TMA16: variants seen among roughly 807,000 people sequenced by gnomAD.
TMA16 encodes the protein translation machinery-associated protein 16.
A neutral mutation model predicts 27.1 loss-of-function variants in TMA16; 26 were observed. The ratio of observed to expected loss-of-function variants is 0.96; its 90% CI spans 0.70 to 1.33. TMA16 has a LOEUF of 1.33. Ranked by LOEUF, TMA16 falls within the 40% of genes most tolerant of loss-of-function variation. The pLI, the probability that TMA16 is intolerant of heterozygous loss-of-function variation, is 0.00. For synonymous variants in TMA16, 71 were observed against 81.9 expected, an observed-to-expected ratio of 0.87 and a Z score of 0.72; for missense variants, 233 against 241.4, an observed-to-expected ratio of 0.97 and a Z score of 0.23.
At chr4:163,512,013 C>CT (rs111789578) in intron 2 of TMA16, among the ~76,000 whole-genome samples, 2,527 of 144,136 alleles carry the variant, frequency 0.018, 61 homozygotes, top group African/African-American at 0.058. Flanking sequence ...TAGTCCCTAT[C>CT]TTTTTTTTTT....
intron 2 of TMA16, 56 bp downstream of exon 2, chr4:163,507,201 T>C (rs181611616): frequency 5.6e-6 from 8 of 1,419,734 alleles, no homozygotes; most frequent in Middle Eastern, 1.8e-4. Flanking sequence ...CTTTATACTT[T>C]TATCTTTCAA....
chr4:163,505,812 C>G (rs184421580), intron 1 of TMA16, among the ~76,000 whole-genome samples: 2 of 151,932 alleles, frequency 1.3e-5, no homozygotes, highest in African/African-American at 4.8e-5. Context: ...GTAGCTTTGC[C>G]GAAGAAAGGA....
In TMA16 at chr4:163,507,117, G is replaced by C. The variant is rs748136750; in HGVS notation, c.88G>C (p.Glu30Gln). ...TAGAAAAGCAGCTCAAATTACGAGA[G>C]AGGCCCACAAACAAGAAAAAAAGGA... ...YSRKAAQITR[E>Q]AHKQEKKEKL... Residue 30 changes from glutamate (E) to glutamine (Q), a missense_variant, in exon 2 of 7, where the codon GAG becomes CAG. Physicochemically the swap from Glu to Gln is conservative, Grantham distance 29. Coordinates refer to ENST00000358572, the MANE Select transcript of TMA16 (RefSeq NM_018352.3). The C allele has an allele frequency of 5.7e-6, 9 of 1,587,268 alleles. No homozygotes were observed. The East Asian group carries it at 1.8e-4, about 32-fold the overall frequency.
chr4:163,501,891 T>G (rs1455124237), intron 1 of TMA16, among the ~76,000 whole-genome samples: 1 of 152,144 alleles, frequency 6.6e-6, no homozygotes, highest in African/African-American at 2.4e-5. Context: ...CCAAAGTGAG[T>G]CAGGACCCTA....
intron 1 of TMA16, among the ~76,000 whole-genome samples, chr4:163,505,725 C>T (rs767552854): frequency 6.6e-6 from 1 of 152,226 alleles, no homozygotes; most frequent in African/African-American, 2.4e-5. Context: ...GACTTGGGAC[C>T]TAACTGTGAG....
At chr4:163,517,637 G>A (rs997296516) in intron 6 of TMA16, 161 bp downstream of exon 6, 3 of 574,340 alleles carry the variant, frequency 5.2e-6, no homozygotes, top group South Asian at 2.5e-5. Context: ...GAAGTTGGGC[G>A]TACAAACAGT....
chr4:163,515,121 T>G (rs1166884908), intron 4 of TMA16, among the ~76,000 whole-genome samples, 192 bp from the exon 5 acceptor site: 1 of 152,056 alleles, frequency 6.6e-6, no homozygotes, highest in Non-Finnish European at 1.5e-5. Flanking sequence ...AGGCTGCGAT[T>G]TGGTCACTGA....
intron 3 of TMA16, among the ~76,000 whole-genome samples, chr4:163,513,754 A>C (rs1737831384): frequency 6.6e-6 from 1 of 152,174 alleles, no homozygotes. Context: ...TATTTTTGAC[A>C]AGCTGTCCTT....
chr4:163,495,025 T>C (rs1206794238), intron 1 of TMA16, among the ~76,000 whole-genome samples: 1 of 152,210 alleles, frequency 6.6e-6, no homozygotes, highest in Admixed American at 6.5e-5. Context: ...GCTGAAGTGC[T>C]CACACGTCGC....
At chr4:163,513,535 T>A (rs1479656873) in intron 3 of TMA16, among the ~76,000 whole-genome samples, 1 of 152,192 alleles carries the variant, frequency 6.6e-6, no homozygotes, top group East Asian at 1.9e-4. Flanking sequence ...ATATATCAAT[T>A]ACTCTACACA....
intron 1 of TMA16, among the ~76,000 whole-genome samples, chr4:163,495,286 A>G (rs75304765): frequency 1.3e-5 from 2 of 152,202 alleles, no homozygotes; most frequent in African/African-American, 4.8e-5. Context: ...AGGGCACTGA[A>G]GCAGTTTTGT....
chr4:163,508,938 A>C (rs1392460344), intron 2 of TMA16, among the ~76,000 whole-genome samples: 1 of 152,178 alleles, frequency 6.6e-6, no homozygotes, highest in Non-Finnish European at 1.5e-5. Flanking sequence ...AATTCTGTTT[A>C]TTGGCCAAGA....
chr4:163,512,196 G>C (rs1240031248), intron 2 of TMA16, among the ~76,000 whole-genome samples: 2 of 152,072 alleles, frequency 1.3e-5, no homozygotes, highest in Non-Finnish European at 2.9e-5. Context: ...TTTCAGGACA[G>C]GGACAGTGAA....
At chr4:163,511,118 A>C (rs955786471) in intron 2 of TMA16, among the ~76,000 whole-genome samples, 3 of 152,152 alleles carry the variant, frequency 2.0e-5, no homozygotes, top group Non-Finnish European at 4.4e-5. Flanking sequence ...GTGTATATTT[A>C]AGTATATATG....
At chr4:163,517,336 C>T in intron 5 of TMA16, 98 bp from the exon 6 acceptor site, 4 of 1,227,724 alleles carry the variant, frequency 3.3e-6, no homozygotes, top group South Asian at 1.4e-5. Context: ...ATTTTGTTTT[C>T]TGTTGGATAT....
At chr4:163,504,839 G>A (rs748583353) in intron 1 of TMA16, among the ~76,000 whole-genome samples, 4 of 152,112 alleles carry the variant, frequency 2.6e-5, no homozygotes, top group Non-Finnish European at 5.9e-5. Context: ...GGATTGTTAA[G>A]CTGGTTCTTG....
In TMA16 at chr4:163,515,430, G is replaced by A; in HGVS notation, c.357G>A (p.Arg119=). The change falls in exon 5 of 7, where the codon CGG becomes CGA. Residue 119 remains arginine (R), a synonymous_variant. Transcript: ENST00000358572. ...RETVIKQTME[R]ERQQFEGYGL... ...CCGTCATCAAGCAGACGATGGAGCG[G>A]GAGCGACAGCAGTTTGAGGGATATG... is the stretch of plus-strand genomic sequence containing the variant. 6.2e-7 allele frequency: 1 copy of A among 1,613,994 alleles called. No homozygotes were observed. The highest frequency in any genetic ancestry group is 8.5e-7 in the Non-Finnish European group (1 of 1,179,990).
Position 163,515,427 on chromosome 4 carries a change from G to A in TMA16, c.354G>A (p.Glu118=), listed in dbSNP as rs1737862322. ...SRETVIKQTM[E]RERQQFEGYG... ...AGACCGTCATCAAGCAGACGATGGA[G>A]CGGGAGCGACAGCAGTTTGAGGGAT... is the stretch of plus-strand genomic sequence containing the variant. Residue 118 remains glutamate, a synonymous_variant, in exon 5 of 7, where the codon GAG becomes GAA. Transcript: ENST00000358572. 1 of 1,613,900 alleles carries A rather than the reference G, an allele frequency of 6.2e-7. No individual in the cohort carries two copies. The highest frequency in any genetic ancestry group is 1.7e-5 in the Admixed American group (1 of 59,990).
At chr4:163,508,611 G>T (rs184576860) in intron 2 of TMA16, among the ~76,000 whole-genome samples, 88 of 152,254 alleles carry the variant, frequency 5.8e-4, no homozygotes, top group Non-Finnish European at 1.2e-4. Flanking sequence ...AAAGTGAAAG[G>T]ATCAAAAGAA....
Sources: gnomAD v4.1 joint callset for allele counts (sites outside exome capture counted in the v4.1 genomes callset) on GRCh38, gnomAD v4.1.1 for gene constraint, MANE v1.5 for transcripts, NCBI Gene and HGNC (gene_info 2026-07-23, HGNC 2026-07-21) for gene names.